Variants in RIN2 observed in about 807,000 individuals in gnomAD.
RIN2 encodes Ras and Rab interactor 2.
In RIN2, 36 loss-of-function variants were observed where a neutral mutation model predicts 78.0. That is an observed-to-expected ratio of 0.46 (90% CI 0.35 to 0.61). The LOEUF (loss-of-function observed/expected upper bound fraction) is 0.61. Among genes scored for constraint, RIN2 ranks in the 20% least tolerant of loss-of-function variants. The pLI is 0.00. For synonymous variants in RIN2, 466 were observed against 466.8 expected (o/e 1.00, Z 0.02); for missense variants, 1,087 against 1,159.7 (o/e 0.94, Z 0.91).
chr20:19,968,152 T>G (rs1425837471), intron 7 of RIN2, among the ~76,000 whole-genome samples: 1 of 152,198 alleles, frequency 6.6e-6, no homozygotes, highest in African/African-American at 2.4e-5. Context: ...TGTCGTCATC[T>G]GCTCCTGATC....
chr20:19,843,582 A>G (rs1015291578), intron 2 of RIN2, among the ~76,000 whole-genome samples: 1 of 152,234 alleles, frequency 6.6e-6, no homozygotes, highest in Non-Finnish European at 1.5e-5. Context: ...AGACTATAGT[A>G]GAGTCTAAAC....
At chr20:19,868,734 A>G (rs1221018215) in intron 2 of RIN2, among the ~76,000 whole-genome samples, 2 of 152,134 alleles carry the variant, frequency 1.3e-5, no homozygotes, top group Non-Finnish European at 2.9e-5. Flanking sequence ...GGAATAGGTA[A>G]TGAAGGGAAG....
intron 2 of RIN2, among the ~76,000 whole-genome samples, chr20:19,832,469 C>T (rs1219082760): frequency 1.3e-5 from 2 of 151,136 alleles, no homozygotes; most frequent in African/African-American, 4.9e-5. Context: ...CACCCTCAAG[C>T]ACGCCTTTCA....
intron 2 of RIN2, among the ~76,000 whole-genome samples, chr20:19,843,676 A>G (rs1320089691): frequency 1.3e-5 from 2 of 152,202 alleles, no homozygotes; most frequent in African/African-American, 4.8e-5. Flanking sequence ...TATCTGCTTT[A>G]TTGTGGTGGT....
chr20:19,927,014 C>T (rs942626629), intron 3 of RIN2, among the ~76,000 whole-genome samples: 2 of 152,198 alleles, frequency 1.3e-5, no homozygotes, highest in Admixed American at 1.3e-4. Context: ...ACTTTTCTCT[C>T]TATTAGGGGA....
At position 19,763,528 on chromosome 20, in the gene RIN2, T is replaced by C. The variant is rs6046303; in HGVS notation, c.-163+5201T>C. ...CTCAATAGCATAATCACATAATGAA[T>C]GAGTGAATGAATGAATGAATGATTA... On this transcript the variant is annotated intron_variant, in intron 1 of 12. Coordinates refer to ENST00000255006, the MANE Select transcript of RIN2 (RefSeq NM_018993.4). 8.8e-3 allele frequency among the ~76,000 whole-genome samples: 755 copies of C among 85,986 alleles called. 11 individuals carry two copies. The highest frequency in any genetic ancestry group is 0.022 in the African/African-American group (721 of 33,506). The allele number at this position is 85,986 out of a possible 152,430, so 56.4% of individuals were successfully genotyped here.
At chr20:19,770,799 G>A (rs1301010211) in intron 1 of RIN2, among the ~76,000 whole-genome samples, 1 of 151,892 alleles carries the variant, frequency 6.6e-6, no homozygotes, top group Admixed American at 6.6e-5. Flanking sequence ...CACACACCAA[G>A]TAGTGGACAC....
chr20:19,995,323 A>G (rs760683288), intron 11 of RIN2, among the ~76,000 whole-genome samples: 2 of 150,826 alleles, frequency 1.3e-5, no homozygotes, highest in Non-Finnish European at 2.9e-5. Flanking sequence ...CTCAGATTCT[A>G]TTTCTTACAA....
chr20:19,832,521 C>T (rs1436194996), intron 2 of RIN2, among the ~76,000 whole-genome samples: 1 of 151,698 alleles, frequency 6.6e-6, no homozygotes. Flanking sequence ...CCAGCCACCT[C>T]TTTCATGTGC....
intron 1 of RIN2, among the ~76,000 whole-genome samples, chr20:19,769,863 G>GT (rs1051792840): frequency 2.6e-5 from 4 of 152,122 alleles, no homozygotes; most frequent in Non-Finnish European, 4.4e-5. Context: ...TCTTTTGAAA[G>GT]TTTTTTACTA....
intron 1 of RIN2, among the ~76,000 whole-genome samples, chr20:19,782,758 T>G (rs1205083511): frequency 6.6e-6 from 1 of 152,174 alleles, no homozygotes; most frequent in African/African-American, 2.4e-5. Context: ...CATGTGCTAG[T>G]CTGGCCTCTT....
intron 2 of RIN2, among the ~76,000 whole-genome samples, chr20:19,880,392 CTTTTTTTTTT>C (rs33934712): frequency 7.0e-5 from 4 of 57,416 alleles, no homozygotes; most frequent in East Asian, 7.2e-4. Flanking sequence ...GGAAGTCATT[CTTTTTTTTTT>C]TTTTTTTTTT....
chr20:19,979,192 T>C (rs997859601), intron 9 of RIN2, among the ~76,000 whole-genome samples: 12 of 152,238 alleles, frequency 7.9e-5, no homozygotes, highest in Non-Finnish European at 1.6e-4. Context: ...TCAAGGCTTG[T>C]TTCAAGAAAA....
intron 3 of RIN2, among the ~76,000 whole-genome samples, chr20:19,915,533 A>C (rs1275418380): frequency 6.6e-6 from 1 of 152,224 alleles, no homozygotes; most frequent in Non-Finnish European, 1.5e-5. Context: ...GAGCACTCAC[A>C]GTCTCTGCTC....
intron 3 of RIN2, among the ~76,000 whole-genome samples, chr20:19,897,539 A>G (rs1055310323): frequency 2.0e-5 from 3 of 152,158 alleles, no homozygotes; most frequent in African/African-American, 7.2e-5. Context: ...TTTAGGCTAC[A>G]GCAGGGATGG....
chr20:19,779,745 C>A (rs994396945), intron 1 of RIN2, among the ~76,000 whole-genome samples: 7 of 152,178 alleles, frequency 4.6e-5, no homozygotes, highest in African/African-American at 1.7e-4. Flanking sequence ...AGTGGTTAGA[C>A]AATCTAGTCA....
intron 9 of RIN2, among the ~76,000 whole-genome samples, chr20:19,978,929 A>G (rs1045868018): frequency 2.6e-5 from 4 of 152,186 alleles, no homozygotes; most frequent in Non-Finnish European, 5.9e-5. Context: ...CTCATTACTG[A>G]TGACCCATGC....
intron 3 of RIN2, among the ~76,000 whole-genome samples, chr20:19,908,607 A>C (rs2039328393): frequency 1.3e-5 from 2 of 152,214 alleles, no homozygotes; most frequent in Admixed American, 6.5e-5. Flanking sequence ...CATGCAGGTT[A>C]ATGAAGATTG....
At position 19,764,929 on chromosome 20, in the gene RIN2, T is replaced by TTTTTTTTTTTTTTTG; in HGVS notation, c.-163+6603_-163+6617dup. On this transcript the variant is annotated intron_variant, in intron 1 of 12. Coordinates refer to ENST00000255006, the MANE Select transcript of RIN2 (RefSeq NM_018993.4). ...ACTTCACTTTCTGCGTTTTTTTTTT[T>TTTTTTTTTTTTTTTG]TTTTTTTTTTTTTTGACAGAGTCTT... 1.5e-5 allele frequency among the ~76,000 whole-genome samples: 2 copies of TTTTTTTTTTTTTTTG among 131,306 alleles called. 1 individual carries two copies. The highest frequency in any genetic ancestry group is 1.6e-4 in the Admixed American group (2 of 12,644). 86.1% of individuals were successfully genotyped at this position (131,306 alleles called of 152,430 possible).
Sources: gnomAD v4.1 joint callset for allele counts (sites outside exome capture counted in the v4.1 genomes callset) on GRCh38, gnomAD v4.1.1 for gene constraint, MANE v1.5 for transcripts, NCBI Gene and HGNC (gene_info 2026-07-23, HGNC 2026-07-21) for gene names.